SLC4A4: variants seen among roughly 807,000 people sequenced by gnomAD.
SLC4A4 encodes the protein solute carrier family 4 member 4.
A neutral mutation model predicts 111.5 loss-of-function variants in SLC4A4; 27 were observed. The ratio of observed to expected loss-of-function variants is 0.24; its 90% CI spans 0.18 to 0.33. The LOEUF (loss-of-function observed/expected upper bound fraction) is 0.33. SLC4A4 is among the 10% of genes least tolerant of loss of function. SLC4A4 has a pLI of 1.00. For missense variants in SLC4A4, 909 were observed against 1,315.5 expected (o/e 0.69, Z 4.78); for synonymous variants, 443 against 463.4 (o/e 0.96, Z 0.57).
chr4:71,142,369 C>T (rs190323159), intron 2 of SLC4A4, among the ~76,000 whole-genome samples: 61 of 152,268 alleles, frequency 4.0e-4, no homozygotes, highest in Admixed American at 1.8e-3. Flanking sequence ...TCTGTTTGGG[C>T]GTTGGCTAAA....
At chr4:71,281,891 A>C (rs1217510794) in intron 3 of SLC4A4, among the ~76,000 whole-genome samples, 1 of 151,364 alleles carries the variant, frequency 6.6e-6, no homozygotes, top group Non-Finnish European at 1.5e-5. Context: ...CTGGTGACTG[A>C]GGCAAGGGTC....
chr4:71,089,617 T>C (rs1322930182), intron 1 of SLC4A4, among the ~76,000 whole-genome samples: 6 of 152,004 alleles, frequency 3.9e-5, no homozygotes, highest in Non-Finnish European at 7.4e-5. Flanking sequence ...CTTCTAACAG[T>C]CAGGACCCTC....
intron 2 of SLC4A4, among the ~76,000 whole-genome samples, chr4:71,143,846 G>A: frequency 6.6e-6 from 1 of 152,096 alleles, no homozygotes; most frequent in Admixed American, 6.6e-5. Flanking sequence ...CTGGATATTA[G>A]CCCTTTGTCA....
At chr4:71,086,824 T>C (rs561947785) in intron 1 of SLC4A4, among the ~76,000 whole-genome samples, 1 of 152,154 alleles carries the variant, frequency 6.6e-6, no homozygotes, top group South Asian at 2.1e-4. Flanking sequence ...TTATTGAGGA[T>C]TTTTGCATCG....
At chr4:71,487,154 G>T in intron 15 of SLC4A4, 136 bp downstream of exon 15, 1 of 543,322 alleles carries the variant, frequency 1.8e-6, no homozygotes, top group Admixed American at 3.3e-5. Flanking sequence ...TATTGACAGT[G>T]GAGGGACGGG....
intron 3 of SLC4A4, among the ~76,000 whole-genome samples, chr4:71,271,432 A>T (rs999467911): frequency 1.3e-5 from 2 of 152,206 alleles, no homozygotes; most frequent in African/African-American, 4.8e-5. Flanking sequence ...AGCTTCTCAC[A>T]TTCTACAAAA....
chr4:71,259,147 A>C (rs954794458), intron 3 of SLC4A4, among the ~76,000 whole-genome samples: 1 of 152,166 alleles, frequency 6.6e-6, no homozygotes, highest in Non-Finnish European at 1.5e-5. Flanking sequence ...CTCTACAAAA[A>C]CATGAAAGGG....
At chr4:71,335,431 T>A (rs1192398469) in intron 3 of SLC4A4, among the ~76,000 whole-genome samples, 1 of 152,168 alleles carries the variant, frequency 6.6e-6, no homozygotes. Context: ...CCCTCCTGAT[T>A]GCCTAAAATA....
chr4:71,474,278 A>G lies in SLC4A4; in HGVS notation c.1903+1308A>G, dbSNP rs181791582. Reference sequence around the variant, plus strand: ...CTTTTTACTAAGGTCTTTTAGCACCAGAAGTACAGCAGTGTTCAAAGGGCT... The same window carrying G: ...CTTTTTACTAAGGTCTTTTAGCACCGGAAGTACAGCAGTGTTCAAAGGGCT... On this transcript the variant is annotated intron_variant, in intron 14 of 25. Coordinates refer to ENST00000264485, the MANE Select transcript of SLC4A4 (RefSeq NM_001098484.3). Among the ~76,000 whole-genome samples, 8 of 152,040 alleles carry G rather than the reference A, an allele frequency of 5.3e-5. No individual in the cohort carries two copies. The East Asian group carries it at 1.4e-3, about 26-fold the overall frequency.
chr4:71,091,736 A>G (rs1158489660), intron 1 of SLC4A4, among the ~76,000 whole-genome samples: 1 of 152,162 alleles, frequency 6.6e-6, no homozygotes, highest in East Asian at 1.9e-4. Context: ...ATCTTTGGGA[A>G]ATACTACATG....
intron 14 of SLC4A4, among the ~76,000 whole-genome samples, chr4:71,479,771 T>C (rs928588502): frequency 6.6e-6 from 1 of 151,732 alleles, no homozygotes; most frequent in African/African-American, 2.4e-5. Context: ...AATAGTGTTT[T>C]GGAAGAGACC....
chr4:71,371,078 G>A (rs1488858057), intron 6 of SLC4A4, among the ~76,000 whole-genome samples: 1 of 151,988 alleles, frequency 6.6e-6, no homozygotes, highest in Non-Finnish European at 1.5e-5. Flanking sequence ...AATAACTAAG[G>A]TGTGCAAAGT....
At chr4:71,098,876 A>G (rs754498435) in intron 2 of SLC4A4, among the ~76,000 whole-genome samples, 1 of 152,210 alleles carries the variant, frequency 6.6e-6, no homozygotes, top group Non-Finnish European at 1.5e-5. Context: ...GGTATTACAT[A>G]ATGGTAAAGG....
intron 1 of SLC4A4, among the ~76,000 whole-genome samples, chr4:71,214,415 C>T (rs1189873205): frequency 1.3e-5 from 2 of 152,146 alleles, no homozygotes; most frequent in Non-Finnish European, 2.9e-5. Context: ...ATTCTGTTTT[C>T]CATAAACGCA....
At chr4:71,377,154 AACAG>A in intron 6 of SLC4A4, among the ~76,000 whole-genome samples, 1 of 152,344 alleles carries the variant, frequency 6.6e-6, no homozygotes, top group Non-Finnish European at 1.5e-5. Context: ...GACCCAAATA[AACAG>A]ACCCTCTTAA....
chr4:71,236,234 ATTTTTTT>A (rs34835011), intron 1 of SLC4A4: 2 of 958,392 alleles, frequency 2.1e-6, no homozygotes, highest in African/African-American at 3.7e-5. Flanking sequence ...CTCTCTTGGT[ATTTTTTT>A]TTTTTTTTTG....
chr4:71,561,388 C>T (rs1397291274), intron 23 of SLC4A4, among the ~76,000 whole-genome samples: 3 of 151,762 alleles, frequency 2.0e-5, no homozygotes, highest in Non-Finnish European at 4.4e-5. Context: ...ATATATAAGT[C>T]ATTTTTCTAA....
chr4:71,397,221 A>G (rs1350451771), intron 6 of SLC4A4, among the ~76,000 whole-genome samples: 1 of 152,226 alleles, frequency 6.6e-6, no homozygotes, highest in Non-Finnish European at 1.5e-5. Flanking sequence ...GGAAAAGGAA[A>G]GGAAACCAGA....
intron 1 of SLC4A4, among the ~76,000 whole-genome samples, chr4:71,198,930 C>CT (rs771494780): frequency 2.8e-4 from 43 of 152,310 alleles, no homozygotes; most frequent in African/African-American, 9.4e-4. Context: ...ACTGGATACT[C>CT]TAACAGGAGA....
Sources: allele counts gnomAD v4.1 joint callset (sites outside exome capture counted in the v4.1 genomes callset), GRCh38; gene constraint gnomAD v4.1.1; transcripts MANE v1.5; gene names NCBI Gene and HGNC (gene_info 2026-07-23, HGNC 2026-07-21).